The following GPC6 variants were observed in gnomAD, a reference collection of about 807,000 sequenced individuals.
The protein encoded by GPC6 is glypican-6.
A neutral mutation model predicts 55.2 loss-of-function variants in GPC6; 14 were observed. That is an observed-to-expected ratio of 0.25 (90% CI 0.17 to 0.40). The LOEUF (loss-of-function observed/expected upper bound fraction) is 0.40. GPC6 is among the 10% of genes least tolerant of loss of function. GPC6 has a pLI of 1.00. For synonymous variants in GPC6, 278 were observed against 259.6 expected (o/e 1.07, Z -0.68); for missense variants, 641 against 708.5 (o/e 0.90, Z 1.08).
chr13:93,812,142 T>TGGGGGGGGGGGGGGGG (rs35966772), intron 2 of GPC6, among the ~76,000 whole-genome samples: 1 of 73,782 alleles, frequency 1.4e-5, no homozygotes, highest in Admixed American at 1.3e-4. Context: ...TGCAAGGCGG[T>TGGGGGGGGGGGGGGGG]GGGGGGGGGG....
At chr13:93,747,600 C>T (rs1442592839) in intron 2 of GPC6, among the ~76,000 whole-genome samples, 3 of 152,190 alleles carry the variant, frequency 2.0e-5, no homozygotes, top group African/African-American at 7.2e-5. Flanking sequence ...ACTACCCATA[C>T]AACCATTCTG....
intron 2 of GPC6, among the ~76,000 whole-genome samples, chr13:93,785,369 A>G (rs1195837665): frequency 2.6e-5 from 4 of 152,202 alleles, no homozygotes; most frequent in African/African-American, 9.7e-5. Flanking sequence ...TTGGCTCTCA[A>G]AATTGGTTAT....
chr13:94,172,043 T>A (rs1430110362), intron 4 of GPC6, among the ~76,000 whole-genome samples: 1 of 152,192 alleles, frequency 6.6e-6, no homozygotes, highest in East Asian at 1.9e-4. Flanking sequence ...GGAAAGACAG[T>A]GAGCATTGTT....
At chr13:93,960,704 C>T (rs1217712511) in intron 3 of GPC6, among the ~76,000 whole-genome samples, 2 of 152,042 alleles carry the variant, frequency 1.3e-5, no homozygotes, top group African/African-American at 4.8e-5. Flanking sequence ...TCTTCAGTAG[C>T]CTTAGACTCC....
intron 5 of GPC6, among the ~76,000 whole-genome samples, chr13:94,289,555 C>T (rs1293460514): frequency 1.3e-5 from 2 of 152,194 alleles, no homozygotes; most frequent in Non-Finnish European, 2.9e-5. Context: ...GTCAGGGTAA[C>T]TAATGTCACT....
intron 1 of GPC6, among the ~76,000 whole-genome samples, chr13:93,306,504 G>A (rs1878861748): frequency 6.6e-6 from 1 of 151,976 alleles, no homozygotes; most frequent in African/African-American, 2.4e-5. Context: ...AGATTTCAGA[G>A]GGGACAACAA....
intron 4 of GPC6, among the ~76,000 whole-genome samples, chr13:94,235,054 C>G (rs1890840320): frequency 6.6e-6 from 1 of 152,042 alleles, no homozygotes; most frequent in Admixed American, 6.6e-5. Context: ...GTTAACAAGG[C>G]TGTACTGTAT....
At chr13:94,244,553 T>A (rs1281890324) in intron 4 of GPC6, among the ~76,000 whole-genome samples, 1 of 152,178 alleles carries the variant, frequency 6.6e-6, no homozygotes, top group African/African-American at 2.4e-5. Flanking sequence ...AGAAATTCCT[T>A]AAACATTTAT....
chr13:93,495,573 G>C (rs2139364038), intron 1 of GPC6, among the ~76,000 whole-genome samples: 1 of 126,246 alleles, frequency 7.9e-6, no homozygotes, highest in Admixed American at 8.4e-5. Context: ...GTGAGGAACT[G>C]CGTTCCTTTG....
intron 2 of GPC6, among the ~76,000 whole-genome samples, chr13:93,804,308 T>A (rs1886472384): frequency 6.6e-6 from 1 of 152,162 alleles, no homozygotes; most frequent in Non-Finnish European, 1.5e-5. Context: ...CATTTTCAAT[T>A]TTCTGATAGC....
chr13:93,684,536 A>T (rs543329323), intron 2 of GPC6, among the ~76,000 whole-genome samples: 1 of 152,302 alleles, frequency 6.6e-6, no homozygotes, highest in East Asian at 1.9e-4. Context: ...ATTTATAAAG[A>T]TTAAAATGAA....
intron 4 of GPC6, among the ~76,000 whole-genome samples, chr13:94,240,978 C>T (rs1171711386): frequency 6.6e-6 from 1 of 152,168 alleles, no homozygotes; most frequent in African/African-American, 2.4e-5. Flanking sequence ...AATGATGGTA[C>T]TTGAGCTGCA....
intron 2 of GPC6, among the ~76,000 whole-genome samples, chr13:93,776,992 CAT>C (rs1885492268): frequency 6.6e-6 from 1 of 152,174 alleles, no homozygotes; most frequent in African/African-American, 2.4e-5. Flanking sequence ...TTTCCTTATC[CAT>C]AGAGATATCT....
At chr13:93,785,700 C>T (rs372861053) in intron 2 of GPC6, among the ~76,000 whole-genome samples, 4 of 152,234 alleles carry the variant, frequency 2.6e-5, no homozygotes, top group East Asian at 3.9e-4. Context: ...ATGATTCATG[C>T]TTGTAATCCC....
chr13:93,619,086 C>T (rs1258106159), intron 2 of GPC6, among the ~76,000 whole-genome samples: 1 of 152,068 alleles, frequency 6.6e-6, no homozygotes, highest in Non-Finnish European at 1.5e-5. Flanking sequence ...GGAACACCAT[C>T]ATATATATGA....
chr13:93,248,834 C>T (rs1876692349), intron 1 of GPC6, among the ~76,000 whole-genome samples: 1 of 152,116 alleles, frequency 6.6e-6, no homozygotes, highest in African/African-American at 2.4e-5. Context: ...TGTTTTCAGC[C>T]CATGAAAAGG....
chr13:94,297,148 G>A (rs984803331), intron 5 of GPC6, among the ~76,000 whole-genome samples: 1 of 152,120 alleles, frequency 6.6e-6, no homozygotes, highest in Non-Finnish European at 1.5e-5. Context: ...CAGCCTGGGT[G>A]AGTTGCCCCT....
At chr13:94,194,675 C>T (rs976945963) in intron 4 of GPC6, among the ~76,000 whole-genome samples, 3 of 152,024 alleles carry the variant, frequency 2.0e-5, no homozygotes, top group Admixed American at 6.6e-5. Context: ...GTGATGTGTG[C>T]ATCAAAATCT....
intron 1 of GPC6, among the ~76,000 whole-genome samples, chr13:93,503,647 C>T (rs1880604892): frequency 6.6e-6 from 1 of 152,060 alleles, no homozygotes; most frequent in Non-Finnish European, 1.5e-5. Flanking sequence ...GAATCTACTA[C>T]TGGAAGCTGT....
Sources: gnomAD v4.1 joint callset for allele counts (sites outside exome capture counted in the v4.1 genomes callset) on GRCh38, gnomAD v4.1.1 for gene constraint, MANE v1.5 for transcripts, NCBI Gene and HGNC (gene_info 2026-07-23, HGNC 2026-07-21) for gene names.